SCN3A: variants seen among roughly 807,000 people sequenced by gnomAD.
SCN3A encodes sodium channel protein type 3 subunit alpha.
Under a neutral mutation model 187.6 loss-of-function variants are expected in SCN3A, and 60 were observed. The ratio of observed to expected loss-of-function variants is 0.32; its 90% CI spans 0.26 to 0.40. The LOEUF (loss-of-function observed/expected upper bound fraction) is 0.40, where lower values mean the gene tolerates loss of function less well. SCN3A is among the 10% of genes least tolerant of loss of function. The pLI, the probability that SCN3A is intolerant of heterozygous loss-of-function variation, is 1.00. For synonymous variants in SCN3A, 788 were observed against 829.2 expected, an observed-to-expected ratio of 0.95 and a Z score of 0.85; for missense variants, 1,601 against 2,428.2, an observed-to-expected ratio of 0.66 and a Z score of 7.16.
intron 18 of SCN3A, among the ~76,000 whole-genome samples, chr2:165,116,341 T>C (rs1686366608): frequency 6.6e-6 from 1 of 152,178 alleles, no homozygotes; most frequent in Non-Finnish European, 1.5e-5. Context: ...AATACTTCCT[T>C]TAACTAAATC....
intron 1 of SCN3A, among the ~76,000 whole-genome samples, chr2:165,197,882 G>C (rs950676428): frequency 6.6e-6 from 1 of 151,818 alleles, no homozygotes; most frequent in Non-Finnish European, 1.5e-5. Flanking sequence ...TAAGGCCATT[G>C]TCAAAAACGG....
intron 18 of SCN3A, among the ~76,000 whole-genome samples, chr2:165,124,810 G>A (rs1686892287): frequency 6.6e-6 from 1 of 152,126 alleles, no homozygotes; most frequent in African/African-American, 2.4e-5. Flanking sequence ...TGCCCTAGCT[G>A]AGAATTTTAT....
In SCN3A at chr2:165,091,236, C is replaced by T; in HGVS notation, c.4917G>A (p.Lys1639=). 1.2e-6 allele frequency: 2 copies of T among 1,614,052 alleles called. No homozygotes were observed. The highest frequency in any genetic ancestry group is 1.1e-5 in the South Asian group (1 of 91,080). The change falls in exon 28 of 28, where the codon AAG becomes AAA. Residue 1639 remains lysine (K), a synonymous_variant. Transcript: ENST00000283254. ...AAGCAAAGAGCAGCGTGCGGATCCC[C>T]TTTGCTCCTTTGATCAGACGTAGGA... The part of the protein sequence containing the change: ...GRILRLIKGA[K]GIRTLLFALM...
At chr2:165,116,918 T>C (rs1686394161) in intron 18 of SCN3A, among the ~76,000 whole-genome samples, 1 of 150,958 alleles carries the variant, frequency 6.6e-6, no homozygotes, top group Non-Finnish European at 1.5e-5. Context: ...TTTTGGCTGA[T>C]AGTTCTTAGG....
chr2:165,113,482 C>G (rs1287383735), intron 20 of SCN3A, among the ~76,000 whole-genome samples: 1 of 151,994 alleles, frequency 6.6e-6, no homozygotes, highest in African/African-American at 2.4e-5. Flanking sequence ...CTAAAATACA[C>G]TTTTAGTCCA....
In SCN3A at chr2:165,088,487, G is replaced by A. The variant is rs1352415808; in HGVS notation, c.*1663C>T. 6.6e-6 allele frequency: 1 copy of A among 152,354 alleles called. No homozygotes were observed. Among genetic ancestry groups the A allele is most frequent in the Non-Finnish European group, 1.5e-5 (1 of 67,934 alleles). The allele number at this position is 152,354 out of a possible 1,614,324, so 9.4% of individuals were successfully genotyped here. A position where few individuals can be genotyped will look rare whatever the true frequency, so the allele number is the denominator to read the frequency against. On this transcript the variant is annotated 3_prime_UTR_variant, in exon 28 of 28. Transcript: ENST00000283254. ...TCTATGAATAAAAGGTTATATTGAG[G>A]CAACCATAGTTGGTAGAAAATGATC... is the stretch of plus-strand genomic sequence containing the variant.
intron 17 of SCN3A, among the ~76,000 whole-genome samples, chr2:165,128,701 T>A (rs1355559439): frequency 6.6e-6 from 1 of 152,272 alleles, no homozygotes; most frequent in Non-Finnish European, 1.5e-5. Flanking sequence ...GAAATTTATA[T>A]GTTCAAATAG....
intron 2 of SCN3A, among the ~76,000 whole-genome samples, chr2:165,186,127 C>T (rs1282728178): frequency 7.2e-5 from 11 of 151,858 alleles, no homozygotes; most frequent in Admixed American, 4.6e-4. Flanking sequence ...AAAAACTAGC[C>T]GGGCTTGTGG....
Position 165,140,809 on chromosome 2 carries a change from G to T in SCN3A, c.1861C>A (p.Arg621Ser). ...LFVPHRHGERRNSNVSQASMS... is the reference protein window; with the variant it reads ...LFVPHRHGERSNSNVSQASMS... ...CTGGCCTGACTAACGTTACTGTTGC[G>T]TCGCTCTCCATGTCTGTGCGGCACA... Residue 621 changes from arginine to serine, a missense_variant, in exon 13 of 28, where the codon CGC (arginine) becomes AGC (serine). This residue lies in a region of SCN3A where 376 missense variants were observed against 476.0 expected (regional missense o/e 0.79). Transcript: ENST00000283254. The surrounding 1 kb of genome is among the most constrained non-coding windows in gnomAD (Gnocchi z 4.2). The T allele has an allele frequency of 1.9e-6, 3 of 1,614,106 alleles. No individual in the cohort carries two copies. The highest frequency in any genetic ancestry group is 2.7e-5 in the African/African-American group (2 of 75,036).
rs146624492 is a variant in SCN3A, at chr2:165,090,264, A to G, written c.5889T>C (p.Ser1963=). Residue 1963 remains serine (S), a synonymous_variant, in exon 28 of 28, where the codon TCT becomes TCC. Coordinates refer to ENST00000283254, the MANE Select transcript of SCN3A (RefSeq NM_006922.4). The surrounding 1 kb of genome is among the most constrained non-coding windows in gnomAD (Gnocchi z 4.0). The part of the protein sequence containing the change: ...STPEKTDGSS[S]TTSPPSYDSV... ...TATCATAGGAAGGAGGAGAGGTGGTAGAGGAACTCCCATCTGTTTTTTCTG... is the reference window on the plus strand; with the variant it reads ...TATCATAGGAAGGAGGAGAGGTGGTGGAGGAACTCCCATCTGTTTTTTCTG... The G allele has an allele frequency of 4.2e-4, 673 of 1,612,058 alleles. No homozygotes were observed. Among genetic ancestry groups the G allele is most frequent in the Middle Eastern group, 1.3e-3 (8 of 6,078 alleles).
At chr2:165,105,881 ATAAT>A in intron 21 of SCN3A, among the ~76,000 whole-genome samples, 1 of 152,210 alleles carries the variant, frequency 6.6e-6, no homozygotes, top group African/African-American at 2.4e-5. Context: ...AAAAAAAAGG[ATAAT>A]TTATTTTTAT....
intron 18 of SCN3A, among the ~76,000 whole-genome samples, chr2:165,117,785 A>G (rs142364961): frequency 1.3e-5 from 2 of 152,124 alleles, no homozygotes; most frequent in African/African-American, 4.8e-5. Context: ...ATAAAAAATA[A>G]TATGTTAATA....
Position 165,153,775 on chromosome 2 carries a change from T to G in SCN3A, c.1380+677A>C, listed in dbSNP as rs937281374. 1.2e-4 allele frequency among the ~76,000 whole-genome samples: 18 copies of G among 152,216 alleles called. No individual in the cohort carries two copies. The East Asian group carries it at 3.1e-3, about 26-fold the overall frequency. On this transcript the variant is annotated intron_variant, in intron 11 of 27. Coordinates refer to ENST00000283254, the MANE Select transcript of SCN3A (RefSeq NM_006922.4). ...ATTCTAACTGGCATGAATCAGATTT[T>G]TACTATATATTCGTGAGTCTTCACC...
intron 3 of SCN3A, among the ~76,000 whole-genome samples, chr2:165,175,619 G>C (rs146786333): frequency 5.3e-4 from 80 of 152,034 alleles, no homozygotes; most frequent in Middle Eastern, 3.4e-3. Context: ...TAGGTTACTG[G>C]GGGGGAAAGG....
intron 1 of SCN3A, among the ~76,000 whole-genome samples, chr2:165,192,607 C>T (rs1307934288): frequency 6.6e-6 from 1 of 152,136 alleles, no homozygotes; most frequent in Non-Finnish European, 1.5e-5. Flanking sequence ...TCTCCAGCTA[C>T]ATCTTACATA....
intron 3 of SCN3A, among the ~76,000 whole-genome samples, chr2:165,173,034 G>A (rs763805075): frequency 2.0e-5 from 3 of 152,126 alleles, no homozygotes; most frequent in Admixed American, 1.3e-4. Flanking sequence ...GAGATAGATC[G>A]TCATTGCTAC....
At chr2:165,178,548 T>C (rs1403566481) in intron 2 of SCN3A, among the ~76,000 whole-genome samples, 1 of 152,220 alleles carries the variant, frequency 6.6e-6, no homozygotes, top group Non-Finnish European at 1.5e-5. Flanking sequence ...GTTTTTAACG[T>C]AAGATATGTC....
At chr2:165,185,014 A>G (rs1490252176) in intron 2 of SCN3A, among the ~76,000 whole-genome samples, 1 of 151,766 alleles carries the variant, frequency 6.6e-6, no homozygotes, top group East Asian at 1.9e-4. Context: ...ATTTAACGAG[A>G]TGATCTATTT....
intron 26 of SCN3A, 34 bp downstream of exon 26, chr2:165,094,340 C>A (rs1370525015): frequency 6.7e-7 from 1 of 1,482,912 alleles, no homozygotes; most frequent in Non-Finnish European, 9.4e-7. Flanking sequence ...GGACGCATGG[C>A]TTTGGAACAT....
Sources: allele counts gnomAD v4.1 joint callset (sites outside exome capture counted in the v4.1 genomes callset), GRCh38; gene constraint gnomAD v4.1.1; regional missense constraint gnomAD v4.1.1; non-coding constraint Gnocchi (gnomAD v3.1); transcripts MANE v1.5; gene names NCBI Gene and HGNC (gene_info 2026-07-23, HGNC 2026-07-21).